ARMC12: variants seen among roughly 807,000 people sequenced by gnomAD.
ARMC12 encodes armadillo repeat containing 12, also known as armadillo repeat-containing protein 12.
ARMC12 carries 25 observed loss-of-function variants against 37.4 expected under a neutral mutation model. That is an observed-to-expected ratio of 0.67 (90% CI 0.49 to 0.93). The LOEUF is 0.93. ARMC12 is among the 40% of genes least tolerant of loss of function. The pLI, the probability that ARMC12 is intolerant of heterozygous loss-of-function variation, is 0.00. For synonymous variants in ARMC12, 167 were observed against 176.1 expected, an observed-to-expected ratio of 0.95 and a Z score of 0.41; for missense variants, 384 against 426.6, an observed-to-expected ratio of 0.90 and a Z score of 0.88.
Position 35,747,447 on chromosome 6 carries a change from C to T in ARMC12, c.618+13C>T. ...CATCCTGGCACAGGTGCCTGAGGAC[C>T]ATGGCCAAGGCCCTGCCTTGCTGAC... On this transcript the variant is annotated intron_variant, in intron 4 of 5. Transcript: ENST00000373866. 1 of 1,614,070 alleles carries T rather than the reference C, an allele frequency of 6.2e-7. No individual in the cohort carries two copies. The highest frequency in any genetic ancestry group is 8.5e-7 in the Non-Finnish European group (1 of 1,179,986).
intron 1 of ARMC12, 44 bp from the exon 2 acceptor site, chr6:35,737,983 A>G: frequency 6.2e-7 from 1 of 1,607,046 alleles, no homozygotes; most frequent in Non-Finnish European, 8.5e-7. Flanking sequence ...TTCTTTCATC[A>G]CTTCTGAGTC....
At position 35,746,828 on chromosome 6, in the gene ARMC12, T is replaced by A. The variant is rs190372833; in HGVS notation, c.445-433T>A. On this transcript the variant is annotated intron_variant, in intron 3 of 5. Coordinates refer to ENST00000373866, the MANE Select transcript of ARMC12 (RefSeq NM_001286574.2). ...GAGCAGGTCTGGGGATGGGGGAGCG[T>A]GTTAACTCTGAGAGCTCTATTAGAC... Among the ~76,000 whole-genome samples the A allele has an allele frequency of 1.9e-3, 295 of 151,984 alleles. 2 individuals carry two copies. Among genetic ancestry groups the A allele is most frequent in the African/African-American group, 6.6e-3 (274 of 41,392 alleles).
chr6:35,738,280 T>TAG (rs1767044533), intron 2 of ARMC12, 104 bp from the exon 3 acceptor site: 1 of 559,378 alleles, frequency 1.8e-6, no homozygotes, highest in Non-Finnish European at 2.6e-6. Context: ...CTCTGGCTGA[T>TAG]AGCGGTGGGG....
intron 3 of ARMC12, among the ~76,000 whole-genome samples, chr6:35,741,760 A>G (rs1767175272): frequency 6.6e-6 from 1 of 152,044 alleles, no homozygotes. Flanking sequence ...TGGGGAAAAA[A>G]TTCTCTTTAC....
At chr6:35,746,072 T>TTAAATTAAAA (rs1554142028) in intron 3 of ARMC12, among the ~76,000 whole-genome samples, 15 of 149,480 alleles carry the variant, frequency 1.0e-4, no homozygotes, top group South Asian at 2.1e-4. Context: ...TAAAATTAAA[T>TTAAATTAAAA]TAAAAAACAA....
chr6:35,747,669 G>T (rs369939785), intron 5 of ARMC12, 22 bp downstream of exon 5: 2 of 1,610,852 alleles, frequency 1.2e-6, no homozygotes, highest in Non-Finnish European at 1.7e-6. Context: ...ATTGAAGAGG[G>T]GCTGATGAAT....
At chr6:35,745,975 G>A (rs1477720537) in intron 3 of ARMC12, among the ~76,000 whole-genome samples, 2 of 152,130 alleles carry the variant, frequency 1.3e-5, no homozygotes, top group African/African-American at 2.4e-5. Context: ...GTACCTGGGA[G>A]GCAGAGGTTG....
chr6:35,733,176 AAG>A (rs368837263), upstream of ARMC12, among the ~76,000 whole-genome samples: 10 of 152,026 alleles, frequency 6.6e-5, no homozygotes, highest in East Asian at 3.9e-4. Flanking sequence ...CGTCTCAAAA[AAG>A]AGAGAGAGAG....
intron 3 of ARMC12, among the ~76,000 whole-genome samples, chr6:35,738,828 C>T (rs1767077248): frequency 6.6e-6 from 1 of 152,142 alleles, no homozygotes; most frequent in Non-Finnish European, 1.5e-5. Flanking sequence ...GGGTGTTCAA[C>T]AATTCAATTC....
chr6:35,737,040 G>T lies in ARMC12; in HGVS notation c.-69G>T. ...TGGTTCCTGACCCTGCCAGAGTTCT[G>T]GTTCCGGAAGGCCCCCCACAGGTGC... is the stretch of plus-strand genomic sequence containing the variant. On this transcript the variant is annotated 5_prime_UTR_variant, in exon 1 of 6. Transcript: ENST00000373866. 1 of 1,588,978 alleles carries T rather than the reference G, an allele frequency of 6.3e-7. No individual in the cohort carries two copies. The highest frequency in any genetic ancestry group is 1.1e-5 in the South Asian group (1 of 89,030).
At chr6:35,742,801 C>A (rs1162510680) in intron 3 of ARMC12, among the ~76,000 whole-genome samples, 1 of 152,166 alleles carries the variant, frequency 6.6e-6, no homozygotes, top group Non-Finnish European at 1.5e-5. Context: ...AGTTCTCTAA[C>A]CCAACATATC....
At chr6:35,745,911 T>C (rs1767322413) in intron 3 of ARMC12, among the ~76,000 whole-genome samples, 2 of 152,112 alleles carry the variant, frequency 1.3e-5, no homozygotes, top group South Asian at 4.1e-4. Context: ...TTGAGCACGG[T>C]GGCGTACACC....
At chr6:35,747,746 G>A in intron 5 of ARMC12, 99 bp downstream of exon 5, 3 of 1,265,610 alleles carry the variant, frequency 2.4e-6, no homozygotes, top group Non-Finnish European at 3.4e-6. Context: ...CTGATGAATT[G>A]TTTTAGTATC....
intron 3 of ARMC12, among the ~76,000 whole-genome samples, chr6:35,744,727 C>G (rs544697891): frequency 1.3e-5 from 2 of 152,030 alleles, no homozygotes; most frequent in African/African-American, 2.4e-5. Context: ...TGCACTCCAG[C>G]GTGGGCAACA....
chr6:35,732,054 G>A (rs1478945480), upstream of ARMC12, among the ~76,000 whole-genome samples: 1 of 152,206 alleles, frequency 6.6e-6, no homozygotes, highest in Non-Finnish European at 1.5e-5. Flanking sequence ...GCGCGCGGGG[G>A]GAGGAGGTAG....
In ARMC12 at chr6:35,738,031, G is replaced by C; in HGVS notation, c.168G>C (p.Leu56=). 1 of 1,613,164 alleles carries C rather than the reference G, an allele frequency of 6.2e-7. No individual in the cohort carries two copies. The highest frequency in any genetic ancestry group is 8.5e-7 in the Non-Finnish European group (1 of 1,180,030). The part of the protein sequence containing the change: ...CSNSPICIAR[L]AVERERHGRD... ...TGGGCTGGGGTGGCTGTCTAGGCCT[G>C]GCAGTCGAGCGAGAGCGGCACGGGC... The change falls in exon 2 of 6, where the codon CTG becomes CTC. Residue 56 remains leucine (L), a synonymous_variant. Coordinates refer to ENST00000373866, the MANE Select transcript of ARMC12 (RefSeq NM_001286574.2).
chr6:35,748,613 GAGCGGC>G lies in ARMC12; in HGVS notation c.767_772del (p.Glu256_Leu258delinsVal). ...CCTGTATGAGGTACTGGTGTTTGCT[GAGCGGC>G]TGAGTGAGGGCCGGAACGCACCCCA... On this transcript the variant is annotated inframe_deletion, in exon 6 of 6. Coordinates refer to ENST00000373866, the MANE Select transcript of ARMC12 (RefSeq NM_001286574.2). The G allele has an allele frequency of 6.2e-7, 1 of 1,603,572 alleles. No individual in the cohort carries two copies.
At chr6:35,736,982 T>G, upstream of ARMC12, 2 of 1,424,060 alleles carry the variant, frequency 1.4e-6, no homozygotes, top group Non-Finnish European at 9.5e-7. Context: ...CTCCCCAGTT[T>G]CCTTTGTTGC....
Position 35,748,718 on chromosome 6 carries a change from G to T in ARMC12, c.871G>T (p.Ala291Ser). The T allele has an allele frequency of 6.2e-7, 1 of 1,614,184 alleles. No homozygotes were observed. The highest frequency in any genetic ancestry group is 1.1e-5 in the South Asian group (1 of 91,086). Residue 291 changes from alanine to serine, a missense_variant, in exon 6 of 6, where the codon GCA becomes TCA. By Grantham distance (99) the Ala-to-Ser change is moderately conservative (BLOSUM62 1). Transcript: ENST00000373866. ...ESLFGEESRL[A>S]DRLLALVIHP... is the part of the protein sequence containing the mutation. ...CCTCTTTGGGGAAGAGTCCCGACTG[G>T]CAGACCGACTACTTGCCCTGGTCAT...
Sources: gnomAD v4.1 joint callset for allele counts (sites outside exome capture counted in the v4.1 genomes callset) on GRCh38, gnomAD v4.1.1 for gene constraint, MANE v1.5 for transcripts, NCBI Gene and HGNC (gene_info 2026-07-23, HGNC 2026-07-21) for gene names.